Variants in CCDC120 observed in about 807,000 individuals in gnomAD.
CCDC120 encodes coiled-coil domain-containing protein 120.
In CCDC120, 16 loss-of-function variants were observed where a neutral mutation model predicts 37.6. The ratio of observed to expected loss-of-function variants is 0.43; its 90% confidence interval spans 0.29 to 0.65. The LOEUF (loss-of-function observed/expected upper bound fraction) is 0.65. Among genes scored for constraint, CCDC120 ranks in the 30% least tolerant of loss-of-function variants. The pLI is 0.18. For synonymous variants in CCDC120, 309 were observed against 275.4 expected (o/e 1.12, Z -1.21); for missense variants, 650 against 657.4 (o/e 0.99, Z 0.12).
chrX:49,067,712 G>A lies in CCDC120; in HGVS notation c.1598G>A (p.Ser533Asn). The change falls in exon 10 of 11, where the codon AGC becomes AAC. Residue 533 changes from serine (S) to asparagine (N), a missense_variant. This residue lies in a region of CCDC120 where 576 missense variants were observed against 565.3 expected (regional missense o/e 1.02). Coordinates refer to ENST00000603986, the MANE Select transcript of CCDC120 (RefSeq NM_001163321.4). ...CCTGTGTATGCAGCTGACAGCAACA[G>A]CCCCCTCCTCCGCACCAAGGACCCC... Reference protein sequence around the residue: ...PPPVYAADSNSPLLRTKDPHT... With the variant: ...PPPVYAADSNNPLLRTKDPHT... 6.7e-6 allele frequency: 8 copies of A among 1,195,883 alleles called. No homozygotes were observed. Among genetic ancestry groups the A allele is most frequent in the Non-Finnish European group, 9.0e-6 (8 of 884,839 alleles).
chrX:49,067,579 C>T lies in CCDC120; in HGVS notation c.1465C>T (p.Pro489Ser). The change falls in exon 10 of 11, where the codon CCC (proline) becomes TCC (serine). Residue 489 changes from proline to serine, a missense_variant. Pro to Ser is a moderately conservative substitution (Grantham distance 74). Around this residue, in one of 3 missense-constraint regions of CCDC120, gnomAD observed 576 missense variants for 565.3 expected, o/e 1.02. Transcript: ENST00000603986. ...LLDYSLDRGL[P>S]RSGGGTGWGE... is the part of the protein sequence containing the mutation. ...GGACTATTCCTTGGACCGGGGCCTG[C>T]CCCGCAGTGGCGGTGGAACAGGCTG... 8.5e-7 allele frequency: 1 copy of T among 1,178,118 alleles called. No homozygotes were observed. Among genetic ancestry groups the T allele is most frequent in the Non-Finnish European group, 1.1e-6 (1 of 875,950 alleles).
At chrX:49,059,479 C>A in intron 1 of CCDC120, 1 of 352,643 alleles carries the variant, frequency 2.8e-6, no homozygotes, top group Non-Finnish European at 3.7e-6. Flanking sequence ...CCAGACTGGG[C>A]TACTAAGAAA....
chrX:49,067,832 C>T lies in CCDC120; in HGVS notation c.1718C>T (p.Pro573Leu). The T allele has an allele frequency of 8.5e-7, 1 of 1,181,318 alleles. No individual in the cohort carries two copies. Among genetic ancestry groups the T allele is most frequent in the African/African-American group, 1.7e-5 (1 of 57,161 alleles). The change falls in exon 10 of 11, where the codon CCA becomes CTA. Residue 573 changes from proline to leucine, a missense_variant. Pro to Leu is a moderately conservative substitution (Grantham distance 98). Around this residue, in one of 3 missense-constraint regions of CCDC120, gnomAD observed 576 missense variants for 565.3 expected, o/e 1.02. Coordinates refer to ENST00000603986, the MANE Select transcript of CCDC120 (RefSeq NM_001163321.4). ...CCAAACCCTCTGCTGTGGATGCCCC[C>T]ACCCACCCGTATCCCCTCGGCTGGT... ...VHPNPLLWMP[P>L]PTRIPSAGER...
intron 1 of CCDC120, chrX:49,059,361 A>G (rs2064856813): frequency 1.3e-6 from 1 of 752,255 alleles, no homozygotes; most frequent in African/African-American, 2.3e-5. Context: ...GATCGGGGAA[A>G]AGAGAAGTAT....
intron 1 of CCDC120, 91 bp from the exon 2 acceptor site, chrX:49,061,868 A>C (rs1166888861): frequency 1.1e-6 from 1 of 900,409 alleles, no homozygotes; most frequent in Non-Finnish European, 1.5e-6. Flanking sequence ...GTGTGGCATC[A>C]TAGGTAACTG....
chrX:49,059,638 G>T (rs903533827), intron 1 of CCDC120, among the ~76,000 whole-genome samples: 1 of 112,525 alleles, frequency 8.9e-6, no homozygotes, highest in African/African-American at 3.2e-5. Context: ...CAACTGTTGG[G>T]GTGCCACCCA....
chrX:49,056,732 G>A (rs781859558), upstream of CCDC120, among the ~76,000 whole-genome samples: 1 of 109,106 alleles, frequency 9.2e-6, no homozygotes, highest in South Asian at 4.0e-4. Context: ...TGTTTCAAAT[G>A]TATCAAGTGA....
intron 1 of CCDC120, chrX:49,059,422 G>A (rs1557078985): frequency 1.5e-6 from 1 of 671,846 alleles, no homozygotes; most frequent in African/African-American, 2.4e-5. Flanking sequence ...CCCGCCAGGA[G>A]TAGCCTCTGT....
Position 49,067,761 on chromosome X carries a change from G to A in CCDC120, c.1647G>A (p.Lys549=). 1 of 1,197,510 alleles carries A rather than the reference G, an allele frequency of 8.4e-7. No individual in the cohort carries two copies. The highest frequency in any genetic ancestry group is 1.1e-6 in the Non-Finnish European group (1 of 885,953). ...CCCACACCCGTGCCACCCGCACTAAGCCCTGTGGCCTGCCCCCAGAGGCTG... is the reference window on the plus strand; with the variant it reads ...CCCACACCCGTGCCACCCGCACTAAACCCTGTGGCCTGCCCCCAGAGGCTG... The part of the protein sequence containing the change: ...KDPHTRATRT[K]PCGLPPEAAE... The change falls in exon 10 of 11, where the codon AAG becomes AAA. Residue 549 remains lysine, a synonymous_variant. Transcript: ENST00000603986.
At chrX:49,054,445 TC>T (rs1767681704), upstream of CCDC120, among the ~76,000 whole-genome samples, 1 of 111,149 alleles carries the variant, frequency 9.0e-6, no homozygotes, top group African/African-American at 3.3e-5. Context: ...GTGATCTGCA[TC>T]CTGGCTCACC....
In CCDC120 at chrX:49,062,481, A is replaced by G. The variant is rs782754700; in HGVS notation, c.168A>G (p.Gly56=). ...PTFNAPAALF[G]EAAPQVKSER... Reference sequence around the variant, plus strand: ...CTCTGTGTCCAGCTGCCCTGTTCGGAGAGGCTGCCCCCCAGGTGAAGTCAG... The same window carrying G: ...CTCTGTGTCCAGCTGCCCTGTTCGGGGAGGCTGCCCCCCAGGTGAAGTCAG... Residue 56 remains glycine (G), a synonymous_variant, in exon 4 of 11, where the codon GGA becomes GGG. Transcript: ENST00000603986. The G allele has an allele frequency of 1.7e-6, 2 of 1,210,427 alleles. No individual in the cohort carries two copies. Among genetic ancestry groups the G allele is most frequent in the African/African-American group, 3.5e-5 (2 of 57,321 alleles).
At chrX:49,064,896 A>G in intron 6 of CCDC120, 140 bp from the exon 7 acceptor site, 1 of 725,691 alleles carries the variant, frequency 1.4e-6, no homozygotes, top group Non-Finnish European at 2.0e-6. Flanking sequence ...CTCTGGTAAA[A>G]GCAGATTCTT....
At chrX:49,065,996 G>A in intron 9 of CCDC120, 151 bp downstream of exon 9, 1 of 524,054 alleles carries the variant, frequency 1.9e-6, no homozygotes, top group South Asian at 3.2e-5. Context: ...GCCGAGGCGG[G>A]CGGGTTACTT....
At chrX:49,061,816 A>G in intron 1 of CCDC120, 143 bp from the exon 2 acceptor site, 1 of 617,916 alleles carries the variant, frequency 1.6e-6, no homozygotes, top group Non-Finnish European at 2.4e-6. Flanking sequence ...CCTCATCTCT[A>G]AAATGGGGAT....
chrX:49,054,661 A>G (rs2064819972), upstream of CCDC120, among the ~76,000 whole-genome samples: 1 of 109,616 alleles, frequency 9.1e-6, no homozygotes, highest in South Asian at 3.9e-4. Flanking sequence ...CTGCTGTTCT[A>G]TGTTAATCCT....
intron 10 of CCDC120, 71 bp downstream of exon 10, chrX:49,068,161 G>A: frequency 8.8e-7 from 1 of 1,132,363 alleles, no homozygotes; most frequent in Non-Finnish European, 1.2e-6. Context: ...AGGCCAGGGA[G>A]TGGCTAGTCA....
At chrX:49,060,293 G>A (rs964199935) in intron 1 of CCDC120, among the ~76,000 whole-genome samples, 5 of 108,995 alleles carry the variant, frequency 4.6e-5, no homozygotes, top group East Asian at 2.9e-4. Context: ...GCATGGTGGC[G>A]TGCACCTGTA....
Position 49,063,955 on chromosome X carries a change from C to T in CCDC120, c.383C>T (p.Pro128Leu). Residue 128 changes from proline (P) to leucine (L), a missense_variant, in exon 5 of 11, where the codon CCT becomes CTT. Pro to Leu is a moderately conservative substitution (Grantham distance 98). Around this residue, in one of 3 missense-constraint regions of CCDC120, gnomAD observed 576 missense variants for 565.3 expected, o/e 1.02. Coordinates refer to ENST00000603986, the MANE Select transcript of CCDC120 (RefSeq NM_001163321.4). ...RRRPPTARAY[P>L]PPHPNQAHHS... The stretch of plus-strand genomic sequence containing the variant: ...CGGCCCCCCACAGCCCGCGCCTACC[C>T]TCCACCGCACCCCAACCAAGCACAC... The T allele has an allele frequency of 8.3e-7, 1 of 1,208,288 alleles. No individual in the cohort carries two copies. The highest frequency in any genetic ancestry group is 1.1e-6 in the Non-Finnish European group (1 of 893,912).
In CCDC120 at chrX:49,068,035, A is replaced by C; in HGVS notation, c.1921A>C (p.Ser641Arg). ...EVGQALYGAP[S>R]QAPLPHSRSF... ...GGGCCAGGCGCTGTACGGGGCCCCC[A>C]GCCAGGCGCCACTCCCACACTCGAG... is the stretch of plus-strand genomic sequence containing the variant. Residue 641 changes from serine (S) to arginine (R), a missense_variant, in exon 10 of 11, where the codon AGC becomes CGC. Ser to Arg is a moderately radical substitution (Grantham distance 110). Coordinates refer to ENST00000603986, the MANE Select transcript of CCDC120 (RefSeq NM_001163321.4). 1 of 1,141,550 alleles carries C rather than the reference A, an allele frequency of 8.8e-7. No homozygotes were observed. The allele number at this position is 1,141,550 out of a possible 1,213,427, so 94.1% of individuals were successfully genotyped here. A position where few individuals can be genotyped will look rare whatever the true frequency, so the allele number is the denominator to read the frequency against.
Sources: gnomAD v4.1 joint callset for allele counts (sites outside exome capture counted in the v4.1 genomes callset) on GRCh38, gnomAD v4.1.1 for gene constraint, gnomAD v4.1.1 regional missense constraint, MANE v1.5 for transcripts, NCBI Gene and HGNC (gene_info 2026-07-23, HGNC 2026-07-21) for gene names.